Variants in ERP44 observed in about 807,000 individuals in gnomAD.
ERP44 encodes the protein endoplasmic reticulum resident protein 44.
Under a neutral mutation model 53.4 loss-of-function variants are expected in ERP44, and 25 were observed. The ratio of observed to expected loss-of-function variants is 0.47; its 90% CI spans 0.34 to 0.65. The LOEUF (loss-of-function observed/expected upper bound fraction) is 0.65. Among genes scored for constraint, ERP44 ranks in the 30% least tolerant of loss-of-function variants. The pLI is 0.01. For synonymous variants in ERP44, 145 were observed against 161.2 expected (o/e 0.90, Z 0.76); for missense variants, 338 against 493.2 (o/e 0.69, Z 2.98).
In ERP44 at chr9:100,022,802, A is replaced by T. The variant is rs562803505; in HGVS notation, c.287-576T>A. 7.2e-5 allele frequency among the ~76,000 whole-genome samples: 11 copies of T among 152,296 alleles called. No homozygotes were observed. The South Asian group carries it at 2.3e-3, about 32-fold the overall frequency. On this transcript the variant is annotated intron_variant, in intron 4 of 11. Coordinates refer to ENST00000262455, the MANE Select transcript of ERP44 (RefSeq NM_015051.3). ...AGCATAGGCAATCAAAAATACTAAAAATATATTAGAGGTTAAAATGGAATA... is the reference window on the plus strand; with the variant it reads ...AGCATAGGCAATCAAAAATACTAAATATATATTAGAGGTTAAAATGGAATA...
At chr9:100,044,410 A>C (rs1202760755) in intron 4 of ERP44, among the ~76,000 whole-genome samples, 1 of 152,064 alleles carries the variant, frequency 6.6e-6, no homozygotes, top group Non-Finnish European at 1.5e-5. Flanking sequence ...ATATTAAATG[A>C]AATTCTTTTT....
At chr9:100,097,620 G>A (rs1357821431) in intron 1 of ERP44, among the ~76,000 whole-genome samples, 1 of 152,176 alleles carries the variant, frequency 6.6e-6, no homozygotes, top group Non-Finnish European at 1.5e-5. Context: ...ATATTACAAT[G>A]TTTATACACA....
rs1182659474 is a variant in ERP44, at chr9:100,020,718, T to C, written c.485A>G (p.Asn162Ser). 4 of 1,577,828 alleles carry C rather than the reference T, an allele frequency of 2.5e-6. No homozygotes were observed. Among genetic ancestry groups the C allele is most frequent in the Non-Finnish European group, 3.5e-6 (4 of 1,148,252 alleles). The change falls in exon 6 of 12, where the codon AAT (asparagine) becomes AGT (serine). Residue 162 changes from asparagine to serine, a missense_variant. Asn to Ser is a conservative substitution (Grantham distance 46). Transcript: ENST00000262455. The stretch of plus-strand genomic sequence containing the variant: ...CTTTTGCTCAAAATATCCAATGATA[T>C]TTCTTTTGCTGCGCTGTAAAATAAA... ...EITTLDRSKR[N>S]IIGYFEQKDS...
intron 3 of ERP44, among the ~76,000 whole-genome samples, chr9:100,053,377 T>G (rs1826057237): frequency 6.6e-6 from 1 of 152,218 alleles, no homozygotes; most frequent in Non-Finnish European, 1.5e-5. Flanking sequence ...TACTTCTAAC[T>G]GTCCCTTAAT....
chr9:100,016,189 G>C, intron 8 of ERP44, 133 bp downstream of exon 8: 1 of 1,331,366 alleles, frequency 7.5e-7, no homozygotes, highest in Admixed American at 2.8e-5. Flanking sequence ...TACAGAAACA[G>C]CTATGATATA....
At chr9:99,996,011 AG>A (rs1447547553) in intron 10 of ERP44, among the ~76,000 whole-genome samples, 1 of 150,998 alleles carries the variant, frequency 6.6e-6, no homozygotes, top group Non-Finnish European at 1.5e-5. Flanking sequence ...ACAGTGTGCA[AG>A]GGTTCCCTTT....
At chr9:100,054,743 A>G (rs562705117) in intron 3 of ERP44, among the ~76,000 whole-genome samples, 2 of 152,342 alleles carry the variant, frequency 1.3e-5, no homozygotes, top group South Asian at 2.1e-4. Context: ...AGTATTTCAG[A>G]TAAGGGATAC....
rs1826415920 is a variant in ERP44 at position 100,080,999 on chromosome 9, T to C, written c.57+17785A>G. 2.0e-5 allele frequency among the ~76,000 whole-genome samples: 3 copies of C among 151,818 alleles called. No homozygotes were observed. The South Asian group carries it at 6.3e-4, about 32-fold the overall frequency. ...TTTCAAAATAAACAAAAAACCTAGATTGCATAGTAAAATATATTTAGAAAA... is the reference window on the plus strand; with the variant it reads ...TTTCAAAATAAACAAAAAACCTAGACTGCATAGTAAAATATATTTAGAAAA... On this transcript the variant is annotated intron_variant, in intron 1 of 11. Coordinates refer to ENST00000262455, the MANE Select transcript of ERP44 (RefSeq NM_015051.3).
intron 4 of ERP44, among the ~76,000 whole-genome samples, chr9:100,042,948 G>C (rs1233001628): frequency 6.6e-6 from 1 of 151,930 alleles, no homozygotes; most frequent in Non-Finnish European, 1.5e-5. Flanking sequence ...TGGTGAATGG[G>C]TACAAAAAAG....
At chr9:100,041,782 G>C (rs189926529) in intron 4 of ERP44, among the ~76,000 whole-genome samples, 4 of 152,226 alleles carry the variant, frequency 2.6e-5, no homozygotes, top group Admixed American at 2.0e-4. Flanking sequence ...TTTGACAAAG[G>C]TTCCAAGAAC....
At chr9:100,088,464 C>G (rs764875625) in intron 1 of ERP44, among the ~76,000 whole-genome samples, 2 of 152,180 alleles carry the variant, frequency 1.3e-5, no homozygotes, top group Non-Finnish European at 2.9e-5. Flanking sequence ...TCACCTGTCC[C>G]GTGATGCTTA....
Position 99,979,891 on chromosome 9 carries a change from G to A in ERP44, c.*2721C>T. ...CATACTTCCTTGCTTGCAATCTGTT[G>A]ATGGATCTCTTCTGCCTACAATATA... On this transcript the variant is annotated 3_prime_UTR_variant, in exon 12 of 12. Transcript: ENST00000262455. 2.5e-6 allele frequency: 1 copy of A among 398,348 alleles called. No individual in the cohort carries two copies. Among genetic ancestry groups the A allele is most frequent in the Non-Finnish European group, 4.4e-6 (1 of 225,892 alleles). 24.7% of individuals were successfully genotyped at this position (398,348 alleles called of 1,614,324 possible). A position where few individuals can be genotyped will look rare whatever the true frequency, so the allele number is the denominator to read the frequency against.
chr9:100,032,177 T>G (rs1304487690), intron 4 of ERP44, among the ~76,000 whole-genome samples: 1 of 152,134 alleles, frequency 6.6e-6, no homozygotes, highest in Non-Finnish European at 1.5e-5. Context: ...GGGATCTATT[T>G]TGCATTCCAG....
rs940525629 is a variant in ERP44, at chr9:100,016,499, T to C, written c.646-61A>G. 7 of 1,480,286 alleles carry C rather than the reference T, an allele frequency of 4.7e-6. No homozygotes were observed. In the Admixed American group the frequency reaches 1.3e-4, roughly 27 times the overall value. 91.7% of individuals were successfully genotyped at this position (1,480,286 alleles called of 1,614,324 possible). ...CTGTGCTGGCAAAAGTATATTCTTA[T>C]TTTTTTTCTTTATATTTTTTAAAGC... is the stretch of plus-strand genomic sequence containing the variant. On this transcript the variant is annotated intron_variant, in intron 7 of 11. Coordinates refer to ENST00000262455, the MANE Select transcript of ERP44 (RefSeq NM_015051.3).
chr9:100,040,927 A>G (rs567468665), intron 4 of ERP44, among the ~76,000 whole-genome samples: 15 of 152,274 alleles, frequency 9.9e-5, no homozygotes, highest in African/African-American at 3.6e-4. Flanking sequence ...ATAAAATAAA[A>G]TACCTAGGAA....
In ERP44 at chr9:100,012,182, A is replaced by G. The variant is rs928102695; in HGVS notation, c.762+4140T>C. ...AGGCTTGTGTTAGAATTTTCACTCA[A>G]AAGTCTTCTATAATTCAAAATTCCA... On this transcript the variant is annotated intron_variant, in intron 8 of 11. Transcript: ENST00000262455. Among the ~76,000 whole-genome samples, 9 of 152,292 alleles carry G rather than the reference A, an allele frequency of 5.9e-5. No individual in the cohort carries two copies. In the East Asian group the frequency reaches 1.4e-3, roughly 23 times the overall value.
At chr9:100,073,003 C>T (rs1826322042) in intron 1 of ERP44, among the ~76,000 whole-genome samples, 1 of 152,192 alleles carries the variant, frequency 6.6e-6, no homozygotes, top group African/African-American at 2.4e-5. Flanking sequence ...TTCATGCTGA[C>T]TCTTCAAAAT....
At chr9:99,985,694 A>C (rs1830189399) in intron 10 of ERP44, among the ~76,000 whole-genome samples, 1 of 152,232 alleles carries the variant, frequency 6.6e-6, no homozygotes, top group Admixed American at 6.5e-5. Context: ...GAACCAGGGC[A>C]TAGCATTTTC....
At chr9:100,016,196 T>G in intron 8 of ERP44, 126 bp downstream of exon 8, 3 of 1,383,874 alleles carry the variant, frequency 2.2e-6, no homozygotes, top group East Asian at 2.6e-5. Context: ...ACAGCTATGA[T>G]ATAGTTATGT....
Sources: allele counts gnomAD v4.1 joint callset (sites outside exome capture counted in the v4.1 genomes callset), GRCh38; gene constraint gnomAD v4.1.1; transcripts MANE v1.5; gene names NCBI Gene and HGNC (gene_info 2026-07-23, HGNC 2026-07-21).